Variants in CPVL observed in about 807,000 individuals in gnomAD.
CPVL encodes the protein probable serine carboxypeptidase CPVL.
A neutral mutation model predicts 63.7 loss-of-function variants in CPVL; 51 were observed. The ratio of observed to expected loss-of-function variants is 0.80; its 90% CI spans 0.64 to 1.01. The LOEUF is 1.01. CPVL is among the 50% of genes least tolerant of loss of function. The pLI, the probability that CPVL is intolerant of heterozygous loss-of-function variation, is 0.00. For synonymous variants in CPVL, 195 were observed against 206.0 expected, an observed-to-expected ratio of 0.95 and a Z score of 0.46; for missense variants, 530 against 573.1, an observed-to-expected ratio of 0.92 and a Z score of 0.77.
intron 5 of CPVL, among the ~76,000 whole-genome samples, chr7:29,155,117 C>A (rs566327516): frequency 6.6e-6 from 1 of 152,212 alleles, no homozygotes; most frequent in South Asian, 2.1e-4. Flanking sequence ...TACCTCCCAC[C>A]AGGTCCCTCC....
intron 1 of CPVL, among the ~76,000 whole-genome samples, chr7:29,188,548 AAG>A (rs1242943406): frequency 1.3e-5 from 2 of 152,088 alleles, no homozygotes; most frequent in East Asian, 1.9e-4. Flanking sequence ...TTTTAAAAAA[AAG>A]AGGATTTCTG....
At chr7:29,063,439 G>A (rs1228100137) in intron 11 of CPVL, among the ~76,000 whole-genome samples, 5 of 152,144 alleles carry the variant, frequency 3.3e-5, no homozygotes, top group Non-Finnish European at 7.3e-5. Flanking sequence ...GAGAAATCTG[G>A]CTCTTACACA....
At chr7:29,131,431 C>T (rs1790684767) in intron 1 of CPVL, among the ~76,000 whole-genome samples, 1 of 152,200 alleles carries the variant, frequency 6.6e-6, no homozygotes, top group African/African-American at 2.4e-5. Context: ...GTAGCAGTAA[C>T]CACTCTATAG....
chr7:29,152,043 G>T (rs1793666562), intron 5 of CPVL, among the ~76,000 whole-genome samples: 1 of 152,150 alleles, frequency 6.6e-6, no homozygotes, highest in Non-Finnish European at 1.5e-5. Context: ...TAGTGCAGGT[G>T]CTCTGCTTAC....
chr7:29,083,219 C>A (rs961219409), intron 7 of CPVL, among the ~76,000 whole-genome samples: 1 of 152,252 alleles, frequency 6.6e-6, no homozygotes, highest in African/African-American at 2.4e-5. Context: ...CCATTTTTCT[C>A]TTTCCCTCGC....
At chr7:29,194,591 C>G (rs1040709894) in intron 1 of CPVL, 4 of 236,000 alleles carry the variant, frequency 1.7e-5, no homozygotes, top group Admixed American at 5.7e-5. Flanking sequence ...CGCCCTGGTC[C>G]CAGCCGCGCA....
intron 1 of CPVL, among the ~76,000 whole-genome samples, chr7:29,187,084 G>A (rs1798805925): frequency 6.6e-6 from 1 of 152,172 alleles, no homozygotes; most frequent in South Asian, 2.1e-4. Context: ...TACTTAAGGA[G>A]AGTGACTTTT....
At chr7:29,195,030 C>G in intron 1 of CPVL, 1 of 1,569,760 alleles carries the variant, frequency 6.4e-7, no homozygotes, top group Non-Finnish European at 8.6e-7. Context: ...CGCGCCGGGT[C>G]TCGCCCCACT....
chr7:29,058,987 A>G (rs1791013188), intron 11 of CPVL, among the ~76,000 whole-genome samples: 2 of 152,060 alleles, frequency 1.3e-5, no homozygotes, highest in Admixed American at 1.3e-4. Context: ...ATTGCTTTAA[A>G]TATTGCTTCC....
At chr7:29,144,675 T>C (rs982663034) in intron 1 of CPVL, among the ~76,000 whole-genome samples, 4 of 152,188 alleles carry the variant, frequency 2.6e-5, no homozygotes, top group African/African-American at 7.2e-5. Flanking sequence ...CTTAGTTCTG[T>C]GCATCCCAGG....
At chr7:29,039,119 A>G (rs867737704) in intron 11 of CPVL, among the ~76,000 whole-genome samples, 1 of 152,364 alleles carries the variant, frequency 6.6e-6, no homozygotes. Flanking sequence ...TCCTTAGAAG[A>G]GGGGCCAAGA....
chr7:29,179,665 T>C (rs1329934273), intron 5 of CPVL, among the ~76,000 whole-genome samples: 1 of 152,244 alleles, frequency 6.6e-6, no homozygotes, highest in African/African-American at 2.4e-5. Flanking sequence ...TTTTTCTAAG[T>C]AGAGAAACCA....
chr7:29,153,681 T>C (rs1167754017), intron 5 of CPVL, among the ~76,000 whole-genome samples: 1 of 152,194 alleles, frequency 6.6e-6, no homozygotes, highest in African/African-American at 2.4e-5. Context: ...GGAATTCTCA[T>C]GCCTCAGCCT....
intron 6 of CPVL, among the ~76,000 whole-genome samples, 183 bp from the exon 7 acceptor site, chr7:29,086,733 A>C (rs1271693450): frequency 6.6e-6 from 1 of 152,214 alleles, no homozygotes; most frequent in African/African-American, 2.4e-5. Flanking sequence ...ACTTTGTGAT[A>C]ATAAGAAGTT....
intron 11 of CPVL, among the ~76,000 whole-genome samples, chr7:29,050,324 T>A (rs1377704147): frequency 6.6e-6 from 1 of 151,954 alleles, no homozygotes; most frequent in Non-Finnish European, 1.5e-5. Context: ...ACAAGATTAA[T>A]GTACACAAAT....
chr7:29,039,663 T>TAA lies in CPVL; in HGVS notation c.1138-8906_1138-8905dup, dbSNP rs34506581. 3.2e-3 allele frequency among the ~76,000 whole-genome samples: 470 copies of TAA among 145,706 alleles called. 3 individuals carry two copies. The highest frequency in any genetic ancestry group is 0.011 in the African/African-American group (447 of 40,026). On this transcript the variant is annotated intron_variant, in intron 11 of 12. Coordinates refer to ENST00000265394, the MANE Select transcript of CPVL (RefSeq NM_031311.5). ...AACTTTAACCATTTTTTGTTGTGGTTAAAAAAAAAAAGCACACATGTTACT... is the reference window on the plus strand; with the variant it reads ...AACTTTAACCATTTTTTGTTGTGGTTAAAAAAAAAAAAAGCACACATGTTACT...
intron 2 of CPVL, among the ~76,000 whole-genome samples, chr7:29,117,832 AT>A (rs1174460368): frequency 6.6e-6 from 1 of 152,206 alleles, no homozygotes. Flanking sequence ...TTCCATACAT[AT>A]TTATACATAC....
chr7:29,107,233 G>C (rs1213023490), intron 3 of CPVL, among the ~76,000 whole-genome samples: 1 of 152,216 alleles, frequency 6.6e-6, no homozygotes, highest in East Asian at 1.9e-4. Flanking sequence ...CACAAAGCCA[G>C]CCTTGATTCA....
intron 3 of CPVL, among the ~76,000 whole-genome samples, chr7:29,098,370 G>T (rs907587823): frequency 1.3e-5 from 2 of 152,094 alleles, no homozygotes; most frequent in East Asian, 3.9e-4. Context: ...GGGCCCAGGG[G>T]GACCTGCTAC....
Sources: allele counts gnomAD v4.1 joint callset (sites outside exome capture counted in the v4.1 genomes callset), GRCh38; gene constraint gnomAD v4.1.1; transcripts MANE v1.5; gene names NCBI Gene and HGNC (gene_info 2026-07-23, HGNC 2026-07-21).